Variants in PWWP2A observed in about 807,000 individuals in gnomAD.
PWWP2A encodes the protein PWWP domain-containing protein 2A.
A neutral mutation model predicts 48.5 loss-of-function variants in PWWP2A; 18 were observed. The observed-to-expected ratio is 0.37, with a 90% CI of 0.26 to 0.55. The LOEUF (loss-of-function observed/expected upper bound fraction) is 0.55. Among genes scored for constraint, PWWP2A ranks in the 20% least tolerant of loss-of-function variants. The pLI, the probability that PWWP2A is intolerant of heterozygous loss-of-function variation, is 0.81. For synonymous variants in PWWP2A, 396 were observed against 387.7 expected, an observed-to-expected ratio of 1.02 and a Z score of -0.25; for missense variants, 867 against 976.4, an observed-to-expected ratio of 0.89 and a Z score of 1.49.
intron 1 of PWWP2A, among the ~76,000 whole-genome samples, chr5:160,098,273 G>T (rs187305994): frequency 1.5e-4 from 23 of 152,310 alleles, no homozygotes; most frequent in Admixed American, 7.8e-4. Flanking sequence ...GTGTAATGAT[G>T]AGTGAAAACT....
At position 160,077,645 on chromosome 5, in the gene PWWP2A, GA is replaced by G. The variant is rs1434604844; in HGVS notation, c.*509del. 6.6e-6 allele frequency: 1 copy of G among 152,468 alleles called. No homozygotes were observed. The highest frequency in any genetic ancestry group is 6.5e-5 in the Admixed American group (1 of 15,312). The allele number at this position is 152,468 out of a possible 1,614,324, so 9.4% of individuals were successfully genotyped here. A position where few individuals can be genotyped will look rare whatever the true frequency, so the allele number is the denominator to read the frequency against. On this transcript the variant is annotated 3_prime_UTR_variant, in exon 4 of 4. Coordinates refer to the PWWP2A transcript ENST00000456329. This position sits in a 1 kb window ranked among gnomAD's most constrained non-coding sequence, Gnocchi z 4.2. Reference sequence around the variant, plus strand: ...TGTTGTTTCTACTGGCACCTTGAAGGAAACATTGGCCTTGGCATATGTGACT... The same window carrying G: ...TGTTGTTTCTACTGGCACCTTGAAGGAACATTGGCCTTGGCATATGTGACT...
At chr5:160,117,426 G>C (rs145058212) in intron 1 of PWWP2A, among the ~76,000 whole-genome samples, 1 of 152,346 alleles carries the variant, frequency 6.6e-6, no homozygotes, top group African/African-American at 2.4e-5. Context: ...AGGCTGAGGC[G>C]GGTGGATAAC....
chr5:160,111,901 T>A (rs975208623), intron 1 of PWWP2A, among the ~76,000 whole-genome samples: 5 of 151,658 alleles, frequency 3.3e-5, no homozygotes, highest in African/African-American at 1.2e-4. Context: ...ACACCTGTAA[T>A]CCCAACACTT....
At chr5:160,096,932 TA>T (rs200176212) in intron 1 of PWWP2A, among the ~76,000 whole-genome samples, 1,943 of 152,198 alleles carry the variant, frequency 0.013, 47 homozygotes, top group African/African-American at 0.044. Context: ...TTTCTGACCT[TA>T]AAAGGATTCA....
At chr5:160,109,774 A>AAAATATAT (rs1554104831) in intron 1 of PWWP2A, among the ~76,000 whole-genome samples, 5 of 25,220 alleles carry the variant, frequency 2.0e-4, no homozygotes, top group African/African-American at 4.5e-4. Context: ...AAAAAAAAAA[A>AAAATATAT]ATATATATAT....
chr5:160,106,118 T>C (rs1054331589), intron 1 of PWWP2A, among the ~76,000 whole-genome samples: 1 of 152,200 alleles, frequency 6.6e-6, no homozygotes, highest in Non-Finnish European at 1.5e-5. Context: ...AACAGAGAAC[T>C]CTTATTTCTA....
chr5:160,080,634 G>A (rs749104430), intron 3 of PWWP2A: 9 of 1,524,864 alleles, frequency 5.9e-6, no homozygotes, highest in South Asian at 4.9e-5. Context: ...TTGTGGCAGG[G>A]CTTAAAACAG....
chr5:160,055,358 G>A, the PWWP2A span, among the ~76,000 whole-genome samples: 1 of 152,170 alleles, frequency 6.6e-6, no homozygotes, highest in Non-Finnish European at 1.5e-5. Flanking sequence ...AGGCTGCATG[G>A]GCTACTTTTC....
downstream of PWWP2A, among the ~76,000 whole-genome samples, chr5:160,074,754 C>CA (rs779908628): frequency 0.021 from 2,827 of 136,438 alleles, 41 homozygotes; most frequent in African/African-American, 0.049. Context: ...CTCAAAAAAA[C>CA]AAAAAAAAAA....
the PWWP2A span, among the ~76,000 whole-genome samples, chr5:160,055,133 T>C: frequency 6.6e-6 from 1 of 152,196 alleles, no homozygotes; most frequent in Non-Finnish European, 1.5e-5. Flanking sequence ...CAAGCTTTGA[T>C]TCCAGATAGA....
At chr5:160,107,622 T>C (rs562128481) in intron 1 of PWWP2A, among the ~76,000 whole-genome samples, 2 of 152,310 alleles carry the variant, frequency 1.3e-5, no homozygotes, top group African/African-American at 4.8e-5. Flanking sequence ...GAAAACCTGA[T>C]CTTAGGAAGA....
chr5:160,089,994 TTAAGA>T, downstream of PWWP2A: 1 of 985,004 alleles, frequency 1.0e-6, no homozygotes, highest in Non-Finnish European at 1.2e-6. Flanking sequence ...GAATACACAT[TTAAGA>T]TTAGAGAGAT....
intron 1 of PWWP2A, among the ~76,000 whole-genome samples, chr5:160,107,392 C>T (rs916201249): frequency 6.6e-6 from 1 of 152,198 alleles, no homozygotes; most frequent in South Asian, 2.1e-4. Context: ...TACTTTCTTG[C>T]AATACCTGCC....
At chr5:160,072,754 C>A (rs1753768835), downstream of PWWP2A, among the ~76,000 whole-genome samples, 1 of 148,030 alleles carries the variant, frequency 6.8e-6, no homozygotes. Context: ...AATAATAAAA[C>A]AAAAATTAGC....
chr5:160,060,595 AGTGGAAAGT>A (rs899337151), downstream of PWWP2A, among the ~76,000 whole-genome samples: 6 of 152,234 alleles, frequency 3.9e-5, no homozygotes, highest in Non-Finnish European at 7.3e-5. Flanking sequence ...TTTGACAGCC[AGTGGAAAGT>A]GTGGCAGATA....
rs181439455 is a variant in PWWP2A, at chr5:160,093,252, G to A, written c.1398C>T (p.Ser466=). Residue 466 remains serine (S), a synonymous_variant, in exon 2 of 2, where the codon AGC becomes AGT. Transcript: ENST00000307063. This position sits in a 1 kb window ranked among gnomAD's most constrained non-coding sequence, Gnocchi z 5.8. Reference sequence around the variant, plus strand: ...GAACCCGGGGTGGAAGGGAACCTGAGCTAGGATTCTGATATCGACGTGTGA... The same window carrying A: ...GAACCCGGGGTGGAAGGGAACCTGAACTAGGATTCTGATATCGACGTGTGA... ...VHFTRRYQNP[S]SGSLPPRVRL... The A allele has an allele frequency of 6.9e-5, 111 of 1,613,918 alleles. No homozygotes were observed. The highest frequency in any genetic ancestry group is 8.6e-5 in the Non-Finnish European group (102 of 1,179,902).
chr5:160,052,548 C>CAAAAAAAAA, the PWWP2A span, among the ~76,000 whole-genome samples: 1 of 68,070 alleles, frequency 1.5e-5, no homozygotes, highest in Non-Finnish European at 2.6e-5. Context: ...TCTATTTTAG[C>CAAAAAAAAA]AAAAAAAAAA....
chr5:160,050,973 TGGGG>T, the PWWP2A span, among the ~76,000 whole-genome samples: 1 of 94,540 alleles, frequency 1.1e-5, no homozygotes. Context: ...CATAAATACT[TGGGG>T]TTTTTTTTTT....
chr5:160,067,164 AAG>A (rs1253019602), intron 2 of PWWP2A, among the ~76,000 whole-genome samples: 4 of 152,236 alleles, frequency 2.6e-5, no homozygotes, highest in Non-Finnish European at 5.9e-5. Flanking sequence ...AGAGAACAGC[AAG>A]AGTCTCACAT....
Sources: gnomAD v4.1 joint callset for allele counts (sites outside exome capture counted in the v4.1 genomes callset) on GRCh38, gnomAD v4.1.1 for gene constraint, Gnocchi (gnomAD v3.1) non-coding constraint, MANE v1.5 for transcripts, NCBI Gene and HGNC (gene_info 2026-07-23, HGNC 2026-07-21) for gene names.